CFAP47: variants seen among roughly 807,000 people sequenced by gnomAD.
CFAP47 encodes cilia- and flagella-associated protein 47.
A neutral mutation model predicts 148.1 loss-of-function variants in CFAP47; 29 were observed. The observed-to-expected ratio is 0.20, with a 90% CI of 0.15 to 0.27. The LOEUF (loss-of-function observed/expected upper bound fraction) is 0.27, where lower values mean the gene tolerates loss of function less well. CFAP47 is among the 10% of genes least tolerant of loss of function. The pLI is 1.00. For synonymous variants in CFAP47, 664 were observed against 577.3 expected (o/e 1.15, Z -2.15); for missense variants, 1,872 against 1,697.5 (o/e 1.10, Z -1.81).
intron 8 of CFAP47, among the ~76,000 whole-genome samples, chrX:35,964,363 ATCTT>A (rs1479833790): frequency 1.8e-5 from 2 of 111,131 alleles, no homozygotes; most frequent in Non-Finnish European, 3.8e-5. Flanking sequence ...TGTGATGATT[ATCTT>A]TCTTCTTGTA....
At chrX:36,271,727 G>C (rs1940961516) in intron 49 of CFAP47, among the ~76,000 whole-genome samples, 1 of 111,737 alleles carries the variant, frequency 8.9e-6, no homozygotes, top group Non-Finnish European at 1.9e-5. Context: ...ATTTGAAAGA[G>C]ACCCAATGAA....
intron 22 of CFAP47, among the ~76,000 whole-genome samples, chrX:36,027,483 C>T: frequency 9.0e-6 from 1 of 110,973 alleles, no homozygotes; most frequent in South Asian, 3.7e-4. Context: ...TAATGGCTTC[C>T]ACTTTCATCC....
At chrX:36,351,341 T>A (rs1485195935) in intron 59 of CFAP47, among the ~76,000 whole-genome samples, 1 of 112,203 alleles carries the variant, frequency 8.9e-6, no homozygotes, top group Non-Finnish European at 1.9e-5. Context: ...AAACTTGTCA[T>A]AAAATTTATT....
chrX:35,973,469 G>A (rs951690740), intron 13 of CFAP47, among the ~76,000 whole-genome samples: 1 of 112,011 alleles, frequency 8.9e-6, no homozygotes, highest in African/African-American at 3.2e-5. Flanking sequence ...GATTACAGGT[G>A]TAAGCCACCG....
chrX:36,007,938 C>T (rs771967851), intron 21 of CFAP47, among the ~76,000 whole-genome samples: 14 of 111,411 alleles, frequency 1.3e-4, no homozygotes, highest in Non-Finnish European at 1.9e-4. Flanking sequence ...TAATTACCAA[C>T]AGTCATTATC....
chrX:36,250,867 C>A (rs1023152491), intron 48 of CFAP47, among the ~76,000 whole-genome samples: 1 of 110,804 alleles, frequency 9.0e-6, no homozygotes, highest in African/African-American at 3.3e-5. Context: ...GATATAAGCA[C>A]GCAGTAAACT....
chrX:36,316,784 A>G (rs1941437407), intron 56 of CFAP47, among the ~76,000 whole-genome samples: 1 of 112,014 alleles, frequency 8.9e-6, no homozygotes, highest in African/African-American at 3.2e-5. Context: ...TGTAACAGGA[A>G]CAGGGTAATT....
chrX:35,998,161 C>G (rs949236151), intron 19 of CFAP47, among the ~76,000 whole-genome samples: 1 of 111,390 alleles, frequency 9.0e-6, no homozygotes, highest in Non-Finnish European at 1.9e-5. Flanking sequence ...TTTTGCCAAT[C>G]TATTGAGTAT....
At chrX:36,336,961 G>A (rs1297513614) in intron 57 of CFAP47, among the ~76,000 whole-genome samples, 1 of 111,775 alleles carries the variant, frequency 8.9e-6, no homozygotes, top group African/African-American at 3.3e-5. Context: ...GCTAAGCATG[G>A]TTTCACATTT....
At chrX:35,971,170 T>A (rs933769285) in intron 11 of CFAP47, among the ~76,000 whole-genome samples, 4 of 112,202 alleles carry the variant, frequency 3.6e-5, no homozygotes, top group African/African-American at 6.5e-5. Flanking sequence ...CTATGATTTA[T>A]GGAGTGTGTG....
At chrX:35,971,555 T>G in intron 11 of CFAP47, 31 bp from the exon 12 acceptor site, 1 of 943,644 alleles carries the variant, frequency 1.1e-6, no homozygotes, top group East Asian at 3.4e-5. Context: ...TTGACCTCAA[T>G]TACTGATTAT....
At position 35,971,696 on chromosome X, in the gene CFAP47, C is replaced by T; in HGVS notation, c.2081C>T (p.Ala694Val). The change falls in exon 12 of 64, where the codon GCA (alanine) becomes GTA (valine). Residue 694 changes from alanine (A) to valine (V), a missense_variant. Physicochemically the swap from Ala to Val is moderately conservative, Grantham distance 64. Transcript: ENST00000378653. ...ATAGAAGAGGAGCTGTCTTCAGCAGCAAATTCAATTAGAGCGAATCGATTG... is the reference window on the plus strand; with the variant it reads ...ATAGAAGAGGAGCTGTCTTCAGCAGTAAATTCAATTAGAGCGAATCGATTG... ...AEIEEELSSA[A>V]NSIRANRLLT... 8.3e-7 allele frequency: 1 copy of T among 1,210,782 alleles called. No homozygotes were observed. The highest frequency in any genetic ancestry group is 1.1e-6 in the Non-Finnish European group (1 of 894,788).
At chrX:35,924,520 TATATATGCAC>T (rs755616273) in intron 1 of CFAP47, among the ~76,000 whole-genome samples, 1,345 of 100,014 alleles carry the variant, frequency 0.013, 24 homozygotes, top group African/African-American at 0.053. Flanking sequence ...CATATATGTG[TATATATGCAC>T]ATATATGTGC....
intron 40 of CFAP47, among the ~76,000 whole-genome samples, chrX:36,184,250 A>C (rs764354348): frequency 2.2e-4 from 25 of 111,822 alleles, no homozygotes; most frequent in Non-Finnish European, 5.6e-5. Context: ...ATTATAAACA[A>C]ATTGTGACCT....
intron 40 of CFAP47, among the ~76,000 whole-genome samples, chrX:36,184,312 T>C (rs1389657296): frequency 9.0e-6 from 1 of 111,620 alleles, no homozygotes; most frequent in Non-Finnish European, 1.9e-5. Context: ...AGGAGAACTT[T>C]CTTATGAGCA....
intron 13 of CFAP47, among the ~76,000 whole-genome samples, chrX:35,972,702 T>C (rs1464932824): frequency 8.9e-6 from 1 of 111,931 alleles, no homozygotes; most frequent in Non-Finnish European, 1.9e-5. Context: ...TATCAATATT[T>C]TGGTCCTTTT....
At chrX:36,173,886 T>C (rs1424206883) in intron 39 of CFAP47, among the ~76,000 whole-genome samples, 1 of 111,731 alleles carries the variant, frequency 9.0e-6, no homozygotes, top group Non-Finnish European at 1.9e-5. Flanking sequence ...ATCTGTTTAA[T>C]GTTCACACTG....
chrX:36,333,038 G>A (rs1472015415), intron 57 of CFAP47, among the ~76,000 whole-genome samples: 2 of 111,458 alleles, frequency 1.8e-5, no homozygotes, highest in Admixed American at 9.5e-5. Context: ...CTCCAATGTC[G>A]CATCTCCAAA....
intron 51 of CFAP47, among the ~76,000 whole-genome samples, chrX:36,286,722 G>A (rs1242759567): frequency 9.0e-6 from 1 of 111,123 alleles, no homozygotes; most frequent in East Asian, 2.8e-4. Context: ...TTATCAAGAC[G>A]TAGAGAAAAA....
Sources: allele counts gnomAD v4.1 joint callset (sites outside exome capture counted in the v4.1 genomes callset), GRCh38; gene constraint gnomAD v4.1.1; transcripts MANE v1.5; gene names NCBI Gene and HGNC (gene_info 2026-07-23, HGNC 2026-07-21).